DNTT: variants seen among roughly 807,000 people sequenced by gnomAD.
The protein encoded by DNTT is DNA nucleotidylexotransferase, also known as nucleosidetriphosphate:DNA deoxynucleotidylexotransferase.
In DNTT, 47 loss-of-function variants were observed where a neutral mutation model predicts 60.9. That is an observed-to-expected ratio of 0.77 (90% CI 0.61 to 0.98). The LOEUF is 0.98. Ranked by LOEUF, DNTT falls within the 50% of genes least tolerant of loss-of-function variation. DNTT has a pLI of 0.00. For missense variants in DNTT, 665 were observed against 627.5 expected (o/e 1.06, Z -0.64); for synonymous variants, 224 against 221.2 (o/e 1.01, Z -0.11).
Position 96,309,465 on chromosome 10 carries a change from TAA to T in DNTT, c.203+4778_203+4779del, listed in dbSNP as rs76142486. 7.2e-3 allele frequency among the ~76,000 whole-genome samples: 1,047 copies of T among 145,502 alleles called. 9 individuals are homozygous for T. Among genetic ancestry groups the T allele is most frequent in the African/African-American group, 0.024 (942 of 39,742 alleles). ...ATTCCAAGTTTGAACAAGTTTTCTT[TAA>T]AAAAAAAAAAAAGTTAGCATTTGCC... On this transcript the variant is annotated intron_variant, in intron 1 of 10. Coordinates refer to ENST00000371174, the MANE Select transcript of DNTT (RefSeq NM_004088.4).
intron 1 of DNTT, among the ~76,000 whole-genome samples, chr10:96,312,856 C>T (rs936971482): frequency 6.6e-6 from 1 of 152,178 alleles, no homozygotes; most frequent in Admixed American, 6.5e-5. Context: ...CTGGTAGACA[C>T]TAGAGTTTGA....
chr10:96,320,729 A>G lies in DNTT; in HGVS notation c.619A>G (p.Ser207Gly). 6.2e-7 allele frequency: 1 copy of G among 1,613,904 alleles called. No individual in the cohort carries two copies. Among genetic ancestry groups the G allele is most frequent in the Non-Finnish European group, 8.5e-7 (1 of 1,179,824 alleles). ...GAAATCTCTGCCATTCACAATCATC[A>G]GTATGAAGGACACAGAAGGAATTCC... ...VLKSLPFTII[S>G]MKDTEGIPCL... Residue 207 changes from serine to glycine, a missense_variant, in exon 4 of 11, where the codon AGT becomes GGT. By Grantham distance (56) the Ser-to-Gly change is moderately conservative (BLOSUM62 0). Transcript: ENST00000371174.
At chr10:96,327,635 G>A (rs779168403) in intron 7 of DNTT, 35 bp downstream of exon 7, 17 of 1,590,442 alleles carry the variant, frequency 1.1e-5, no homozygotes, top group South Asian at 3.5e-5. Flanking sequence ...TCCTCTGCCC[G>A]AATACTTCAG....
Position 96,320,700 on chromosome 10 carries a change from T to C in DNTT, c.590T>C (p.Val197Ala), listed in dbSNP as rs754926252. The C allele has an allele frequency of 5.0e-5, 81 of 1,613,778 alleles. No individual in the cohort carries two copies. Among genetic ancestry groups the C allele is most frequent in the Non-Finnish European group, 6.7e-5 (79 of 1,179,842 alleles). The change falls in exon 4 of 11, where the codon GTA becomes GCA. Residue 197 changes from valine (V) to alanine (A), a missense_variant. Val to Ala is a moderately conservative substitution (Grantham distance 64, BLOSUM62 0). Coordinates refer to ENST00000371174, the MANE Select transcript of DNTT (RefSeq NM_004088.4). Reference sequence around the variant, plus strand: ...GTGACATTTATGAGAGCAGCTTCTGTATTGAAATCTCTGCCATTCACAATC... The same window carrying C: ...GTGACATTTATGAGAGCAGCTTCTGCATTGAAATCTCTGCCATTCACAATC... ...SCVTFMRAAS[V>A]LKSLPFTIIS... is the part of the protein sequence containing the mutation.
At chr10:96,316,405 G>A (rs962952937) in intron 1 of DNTT, among the ~76,000 whole-genome samples, 1 of 152,064 alleles carries the variant, frequency 6.6e-6, no homozygotes, top group Non-Finnish European at 1.5e-5. Flanking sequence ...CCAAATCACT[G>A]TATGTACCAG....
rs1238864827 is a variant in DNTT at position 96,304,621 on chromosome 10, A to T, written c.124A>T (p.Lys42Ter). The T allele has an allele frequency of 3.1e-6, 5 of 1,614,008 alleles. No homozygotes were observed. The highest frequency in any genetic ancestry group is 1.3e-5 in the African/African-American group (1 of 74,912). The part of the protein sequence containing the change: ...FQDLVVFILE[K>*]KMGTTRRAFL... Reference sequence around the variant, plus strand: ...AGATTTGGTCGTCTTCATTTTGGAGAAGAAAATGGGAACCACCCGCAGAGC... The same window carrying T: ...AGATTTGGTCGTCTTCATTTTGGAGTAGAAAATGGGAACCACCCGCAGAGC... Residue 42 changes from lysine (K) to a stop codon, truncating the protein, a stop_gained, in exon 1 of 11, where the codon AAG becomes TAG. Transcript: ENST00000371174. LOFTEE classifies it high-confidence loss of function.
chr10:96,332,508 G>A lies in DNTT; in HGVS notation c.1271G>A (p.Gly424Glu), dbSNP rs1262799336. The change falls in exon 9 of 11, where the codon GGA (glycine) becomes GAA (glutamate). Residue 424 changes from glycine to glutamate, a missense_variant. Gly to Glu is a moderately conservative substitution (Grantham distance 98, BLOSUM62 -2). Transcript: ENST00000371174. ...VDSDQSSWQE[G>E]KTWKAIRVDL... The stretch of plus-strand genomic sequence containing the variant: ...AGTGACCAGTCCAGCTGGCAGGAAG[G>A]AAAGACCTGGAAGGCCATCCGTGTG... 22 of 1,614,192 alleles carry A rather than the reference G, an allele frequency of 1.4e-5. No individual in the cohort carries two copies. The highest frequency in any genetic ancestry group is 1.9e-5 in the Non-Finnish European group (22 of 1,180,016).
intron 1 of DNTT, among the ~76,000 whole-genome samples, chr10:96,305,709 G>T (rs1200456797): frequency 6.6e-6 from 1 of 152,228 alleles, no homozygotes; most frequent in Non-Finnish European, 1.5e-5. Flanking sequence ...TGACAAGCAT[G>T]TCATGCAGAA....
At chr10:96,318,639 C>A (rs1399465306) in intron 2 of DNTT, 113 bp downstream of exon 2, 2 of 1,325,868 alleles carry the variant, frequency 1.5e-6, no homozygotes, top group Non-Finnish European at 2.0e-6. Context: ...ACCTGTGTGA[C>A]CTTGGGCAAG....
chr10:96,333,554 T>A (rs182060576), intron 9 of DNTT, among the ~76,000 whole-genome samples: 7 of 152,228 alleles, frequency 4.6e-5, no homozygotes, highest in African/African-American at 1.7e-4. Context: ...CAAGATATTA[T>A]ATAAAAACAA....
chr10:96,330,393 A>G (rs747316062), intron 8 of DNTT, among the ~76,000 whole-genome samples: 7 of 145,072 alleles, frequency 4.8e-5, no homozygotes, highest in Non-Finnish European at 1.1e-4. Flanking sequence ...TATGTTTTAT[A>G]TCTCCTTTTT....
rs1844608601 is a variant in DNTT at position 96,304,542 on chromosome 10, A to G, written c.45A>G (p.Arg15=). 3 of 1,613,840 alleles carry G rather than the reference A, an allele frequency of 1.9e-6. No individual in the cohort carries two copies. In the South Asian group the frequency reaches 3.3e-5, roughly 18 times the overall value. Reference sequence around the variant, plus strand: ...CCCACTTGAGCCCTCGGAAGAAGAGACCCCGGCAGACGGGTGCCTTGATGG... The same window carrying G: ...CCCACTTGAGCCCTCGGAAGAAGAGGCCCCGGCAGACGGGTGCCTTGATGG... The part of the protein sequence containing the change: ...RASHLSPRKK[R]PRQTGALMAS... Residue 15 remains arginine (R), a synonymous_variant, in exon 1 of 11, where the codon AGA becomes AGG. Transcript: ENST00000371174.
At chr10:96,335,997 G>GGCTA (rs1845064873) in intron 10 of DNTT, 23 bp downstream of exon 10, 48 of 1,612,804 alleles carry the variant, frequency 3.0e-5, no homozygotes, top group Non-Finnish European at 4.0e-5. Context: ...TCCTAAAAGG[G>GGCTA]GCTACTTTGA....
At chr10:96,320,522 T>C (rs1314016737) in intron 3 of DNTT, 96 bp from the exon 4 acceptor site, 18 of 1,405,640 alleles carry the variant, frequency 1.3e-5, no homozygotes, top group South Asian at 5.4e-5. Context: ...GCAAGTGGTA[T>C]TCCAATATTT....
chr10:96,325,825 A>G (rs562915415), intron 6 of DNTT, among the ~76,000 whole-genome samples: 17 of 152,334 alleles, frequency 1.1e-4, no homozygotes, highest in South Asian at 4.1e-4. Flanking sequence ...AATTGAACAT[A>G]TTGAAAGGAC....
At chr10:96,318,726 A>C (rs1844823104) in intron 2 of DNTT, among the ~76,000 whole-genome samples, 200 bp downstream of exon 2, 1 of 152,236 alleles carries the variant, frequency 6.6e-6, no homozygotes, top group South Asian at 2.1e-4. Flanking sequence ...CAAAATGGTC[A>C]TGAAGATTAG....
chr10:96,307,743 A>G (rs1363165334), intron 1 of DNTT, among the ~76,000 whole-genome samples: 2 of 134,206 alleles, frequency 1.5e-5, no homozygotes, highest in African/African-American at 2.8e-5. Context: ...AAGCATATAT[A>G]TGTGTGTGTG....
intron 1 of DNTT, among the ~76,000 whole-genome samples, chr10:96,309,874 G>A (rs1228636779): frequency 1.3e-5 from 2 of 152,194 alleles, no homozygotes; most frequent in African/African-American, 4.8e-5. Context: ...TCTTAAAGCA[G>A]TTACTTTAGA....
intron 5 of DNTT, among the ~76,000 whole-genome samples, chr10:96,323,245 G>A (rs966509004): frequency 1.3e-5 from 2 of 152,170 alleles, no homozygotes; most frequent in African/African-American, 4.8e-5. Context: ...GTTGCAGTGA[G>A]CTGAGATCAT....
Sources: gnomAD v4.1 joint callset for allele counts (sites outside exome capture counted in the v4.1 genomes callset) on GRCh38, gnomAD v4.1.1 for gene constraint, MANE v1.5 for transcripts, NCBI Gene and HGNC (gene_info 2026-07-23, HGNC 2026-07-21) for gene names.